The following HOXB6 variants were observed in gnomAD, a reference collection of about 807,000 sequenced individuals.
HOXB6 encodes homeobox B6.
Under a neutral mutation model 24.2 loss-of-function variants are expected in HOXB6, and 18 were observed. That is an observed-to-expected ratio of 0.74 (90% confidence interval 0.51 to 1.10). The LOEUF is 1.10. Among genes scored for constraint, HOXB6 ranks in the 50% least tolerant of loss-of-function variants. HOXB6 has a pLI of 0.00. For synonymous variants in HOXB6, 159 were observed against 139.1 expected (o/e 1.14, Z -1.01); for missense variants, 332 against 308.3 (o/e 1.08, Z -0.58).
chr17:48,604,013 A>C (rs1333701885), intron 2 of HOXB6: 3 of 152,748 alleles, frequency 2.0e-5, no homozygotes, highest in African/African-American at 7.2e-5. Flanking sequence ...CTCACATGCC[A>C]GTGCTGCCGG....
Position 48,596,582 on chromosome 17 carries a change from C to A in HOXB6, c.506G>T (p.Arg169Leu). The A allele has an allele frequency of 6.2e-7, 1 of 1,614,228 alleles. No homozygotes were observed. Reference sequence around the variant, plus strand: ...GATGCGCCGCCGCCGCGTCAGGTAGCGATTGTAGTGAAACTCCTTCTCCAG... The same window carrying A: ...GATGCGCCGCCGCCGCGTCAGGTAGAGATTGTAGTGAAACTCCTTCTCCAG... ...LELEKEFHYN[R>L]YLTRRRRIEI... The change falls in exon 4 of 4, where the codon CGC (arginine) becomes CTC (leucine). Residue 169 changes from arginine to leucine, a missense_variant. By Grantham distance (102) the Arg-to-Leu change is moderately radical (BLOSUM62 -2). Coordinates refer to ENST00000225648, the MANE Select transcript of HOXB6 (RefSeq NM_018952.5). The surrounding 1 kb of genome is among the most constrained non-coding windows in gnomAD (Gnocchi z 4.8).
rs2070288101 is a variant in HOXB6, at chr17:48,596,312, C to T, written c.*101G>A. 2 of 1,562,456 alleles carry T rather than the reference C, an allele frequency of 1.3e-6. No individual in the cohort carries two copies. The highest frequency in any genetic ancestry group is 1.1e-5 in the South Asian group (1 of 89,584). On this transcript the variant is annotated 3_prime_UTR_variant, in exon 4 of 4. Transcript: ENST00000225648. The surrounding 1 kb of genome is among the most constrained non-coding windows in gnomAD (Gnocchi z 4.8). ...CCTGTCTGCGCCGGAGAGCAGGTCT[C>T]CTGGCTCCCCCACCCGAGAGCCTTC...
At chr17:48,600,948 C>T (rs984490442) in intron 2 of HOXB6, among the ~76,000 whole-genome samples, 2 of 151,332 alleles carry the variant, frequency 1.3e-5, no homozygotes, top group Admixed American at 6.6e-5. Context: ...GTGTTCAGTT[C>T]GGGAGTAAAA....
At position 48,604,566 on chromosome 17, in the gene HOXB6, T is replaced by A. The variant is rs1398313876; in HGVS notation, c.-165A>T. On this transcript the variant is annotated 5_prime_UTR_variant, in exon 2 of 4. The change creates a new upstream start codon in the 5' untranslated region. Coordinates refer to ENST00000225648, the MANE Select transcript of HOXB6 (RefSeq NM_018952.5). ...AGGAGTATTCAGTTTCTTCTTCAGC[T>A]TCCAGATAATATTGTCCCAACGTGA... 1 of 152,674 alleles carries A rather than the reference T, an allele frequency of 6.5e-6. No individual in the cohort carries two copies. Among genetic ancestry groups the A allele is most frequent in the Non-Finnish European group, 1.5e-5 (1 of 68,044 alleles). 9.5% of individuals were successfully genotyped at this position (152,674 alleles called of 1,614,324 possible).
intron 2 of HOXB6, among the ~76,000 whole-genome samples, 177 bp downstream of exon 2, chr17:48,604,303 A>G (rs2070534779): frequency 6.6e-6 from 1 of 151,858 alleles, no homozygotes; most frequent in African/African-American, 2.4e-5. Flanking sequence ...CCCCTCCAGG[A>G]AGCAGCCACC....
At chr17:48,601,871 A>G (rs1313536994) in intron 2 of HOXB6, 1 of 272,100 alleles carries the variant, frequency 3.7e-6, no homozygotes, top group South Asian at 3.3e-5. Context: ...TGAAAGCCCA[A>G]GCTAATCAGT....
intron 2 of HOXB6, chr17:48,600,378 T>G: frequency 2.3e-6 from 1 of 444,126 alleles, no homozygotes; most frequent in Middle Eastern, 3.6e-4. Flanking sequence ...CATTTCCCTG[T>G]GTCAGAAGCA....
Position 48,597,773 on chromosome 17 carries a change from CG to C in HOXB6, c.377del (p.Pro126ArgfsTer9). On this transcript the variant is annotated frameshift_variant, in exon 3 of 4. Transcript: ENST00000225648. LOFTEE classifies it high-confidence loss of function. ...GETEEQKCST[P>X]VYPWMQRMNS... The stretch of plus-strand genomic sequence containing the variant: ...TCATCCGCTGCATCCACGGGTAGAC[CG>C]GAGTGGAGCACTTCTGCTCTTCTGT... 1 of 1,612,846 alleles carries C rather than the reference CG, an allele frequency of 6.2e-7. No homozygotes were observed. Among genetic ancestry groups the C allele is most frequent in the Non-Finnish European group, 8.5e-7 (1 of 1,179,516 alleles).
rs1360951607 is a variant in HOXB6 at position 48,595,934 on chromosome 17, T to C, written c.*479A>G. ...CTTCTGAGGCTCCTCTTCTTACTTC[T>C]AGGTAGTATGTGCTCCTTCCAGTGG... On this transcript the variant is annotated 3_prime_UTR_variant, in exon 4 of 4. Coordinates refer to ENST00000225648, the MANE Select transcript of HOXB6 (RefSeq NM_018952.5). 1 of 379,608 alleles carries C rather than the reference T, an allele frequency of 2.6e-6. No individual in the cohort carries two copies. The highest frequency in any genetic ancestry group is 5.2e-6 in the Non-Finnish European group (1 of 190,722). 23.5% of individuals were successfully genotyped at this position (379,608 alleles called of 1,614,324 possible). A position where few individuals can be genotyped will look rare whatever the true frequency, so the allele number is the denominator to read the frequency against.
Position 48,596,278 on chromosome 17 carries a change from TGGGCCCCGCCTGTCTGCGCCGGAG to T in HOXB6, c.*111_*134del. ...CGGGCGGGGGCGTCCAGGAGAGCGC[TGGGCCCCGCCTGTCTGCGCCGGAG>T]AGCAGGTCTCCTGGCTCCCCCACCC... On this transcript the variant is annotated 3_prime_UTR_variant, in exon 4 of 4. Transcript: ENST00000225648. This position sits in a 1 kb window ranked among gnomAD's most constrained non-coding sequence, Gnocchi z 4.8. The T allele has an allele frequency of 7.1e-7, 1 of 1,399,614 alleles. No homozygotes were observed. The highest frequency in any genetic ancestry group is 1.0e-6 in the Non-Finnish European group (1 of 994,078). 86.7% of individuals were successfully genotyped at this position (1,399,614 alleles called of 1,614,324 possible). A position where few individuals can be genotyped will look rare whatever the true frequency, so the allele number is the denominator to read the frequency against.
chr17:48,603,737 C>T (rs555902411), intron 2 of HOXB6: 39 of 152,368 alleles, frequency 2.6e-4, no homozygotes, highest in African/African-American at 9.4e-4. Context: ...ACAAAACTGT[C>T]TCCCTGTAGA....
chr17:48,596,506 G>C lies in HOXB6; in HGVS notation c.582C>G (p.Phe194Leu). 1 of 1,614,254 alleles carries C rather than the reference G, an allele frequency of 6.2e-7. No individual in the cohort carries two copies. The highest frequency in any genetic ancestry group is 8.5e-7 in the Non-Finnish European group (1 of 1,180,054). The stretch of plus-strand genomic sequence containing the variant: ...TTTTCCACTTCATGCGTCGGTTCTG[G>C]AACCATATCTTGATCTGCCTCTCCG... ...CLTERQIKIW[F>L]QNRRMKWKKE... Residue 194 changes from phenylalanine to leucine, a missense_variant, in exon 4 of 4, where the codon TTC becomes TTG. By Grantham distance (22) the Phe-to-Leu change is conservative. Transcript: ENST00000225648. The surrounding 1 kb of genome is among the most constrained non-coding windows in gnomAD (Gnocchi z 4.8).
In HOXB6 at chr17:48,598,126, T is replaced by G. The variant is rs1597875045; in HGVS notation, c.25A>C (p.Thr9Pro). 1 of 1,593,138 alleles carries G rather than the reference T, an allele frequency of 6.3e-7. No individual in the cohort carries two copies. Among genetic ancestry groups the G allele is most frequent in the Non-Finnish European group, 8.6e-7 (1 of 1,165,948 alleles). ...CCGCTGGCCAGAGTGACGGGGAAGG[T>G]GGAGTTCACGAAATAGGAACTCATT... MSSYFVNS[T>P]FPVTLASGQE... The change falls in exon 3 of 4, where the codon ACC becomes CCC. Residue 9 changes from threonine (T) to proline (P), a missense_variant. Coordinates refer to ENST00000225648, the MANE Select transcript of HOXB6 (RefSeq NM_018952.5).
intron 2 of HOXB6, among the ~76,000 whole-genome samples, chr17:48,603,031 C>T (rs928200858): frequency 2.6e-5 from 4 of 152,240 alleles, no homozygotes; most frequent in African/African-American, 9.6e-5. Context: ...AGCGTCGTCC[C>T]TCTCCTAGCT....
chr17:48,601,819 A>C, intron 2 of HOXB6: 1 of 202,418 alleles, frequency 4.9e-6, no homozygotes, highest in Admixed American at 5.5e-5. Flanking sequence ...AACGGGGACC[A>C]CAGCACCTTT....
intron 2 of HOXB6, chr17:48,601,628 A>G (rs2070465616): frequency 6.5e-6 from 1 of 154,776 alleles, no homozygotes; most frequent in African/African-American, 2.4e-5. Context: ...GCCGCAGGAA[A>G]GCTATAAAGA....
chr17:48,599,934 A>G (rs950319398), intron 2 of HOXB6, among the ~76,000 whole-genome samples: 2 of 152,158 alleles, frequency 1.3e-5, no homozygotes, highest in Non-Finnish European at 2.9e-5. Context: ...AGCTTGGATC[A>G]CCAAGGGTGG....
At chr17:48,597,368 TTTGG>T (rs2070329927) in intron 3 of HOXB6, among the ~76,000 whole-genome samples, 1 of 152,118 alleles carries the variant, frequency 6.6e-6, no homozygotes. Context: ...TGGAGCCGTC[TTTGG>T]TTGGGGAACC....
intron 2 of HOXB6, 35 bp from the exon 3 acceptor site, chr17:48,598,263 G>C (rs1419567992): frequency 1.6e-5 from 18 of 1,148,232 alleles, no homozygotes; most frequent in Non-Finnish European, 2.0e-5. Flanking sequence ...GGTTTTAGCT[G>C]AGGGGGGATG....
Sources: gnomAD v4.1 joint callset for allele counts (sites outside exome capture counted in the v4.1 genomes callset) on GRCh38, gnomAD v4.1.1 for gene constraint, Gnocchi (gnomAD v3.1) non-coding constraint, MANE v1.5 for transcripts, NCBI Gene and HGNC (gene_info 2026-07-23, HGNC 2026-07-21) for gene names.